The following KRABD5 variants were observed in gnomAD, a reference collection of about 807,000 sequenced individuals.
KRABD5 encodes the protein KRAB domain-containing protein 5.
the KRABD5 span, chr16:31,714,295 G>C: frequency 4.4e-6 from 2 of 452,468 alleles, no homozygotes; most frequent in African/African-American, 2.0e-5. Flanking sequence ...TAAAGTGTAA[G>C]TGCCTTACAG....
chr16:31,747,537 T>C, the KRABD5 span, among the ~76,000 whole-genome samples: 1 of 152,224 alleles, frequency 6.6e-6, no homozygotes, highest in Non-Finnish European at 1.5e-5. Context: ...ATGGTATTTC[T>C]AGTTCTAGAT....
chr16:31,756,227 C>T, the KRABD5 span: 1 of 152,058 alleles, frequency 6.6e-6, no homozygotes, highest in Non-Finnish European at 1.5e-5. Context: ...ATGTAAAATA[C>T]ATGAAGAAAA....
chr16:31,732,292 T>C, the KRABD5 span, among the ~76,000 whole-genome samples: 2 of 152,216 alleles, frequency 1.3e-5, no homozygotes, highest in Non-Finnish European at 2.9e-5. Flanking sequence ...TTGTGAGAAA[T>C]ATGCATGGGG....
At chr16:31,744,387 G>A in the KRABD5 span, among the ~76,000 whole-genome samples, 1 of 152,034 alleles carries the variant, frequency 6.6e-6, no homozygotes, top group Non-Finnish European at 1.5e-5. Context: ...ATAATCATGT[G>A]GTTTTTGTCT....
At chr16:31,714,128 G>A in the KRABD5 span, among the ~76,000 whole-genome samples, 1 of 152,168 alleles carries the variant, frequency 6.6e-6, no homozygotes, top group African/African-American at 2.4e-5. Context: ...ATATTCTACT[G>A]CTATCTGGAT....
At chr16:31,742,760 T>TA in the KRABD5 span, among the ~76,000 whole-genome samples, 1 of 152,226 alleles carries the variant, frequency 6.6e-6, no homozygotes, top group Non-Finnish European at 1.5e-5. Context: ...GTGGCTGAAC[T>TA]AATTTACATT....
chr16:31,740,883 A>G, the KRABD5 span, among the ~76,000 whole-genome samples: 1 of 152,140 alleles, frequency 6.6e-6, no homozygotes. Flanking sequence ...ACATGGGTAT[A>G]TTGCATTACA....
chr16:31,725,694 C>T, the KRABD5 span, among the ~76,000 whole-genome samples: 1 of 152,188 alleles, frequency 6.6e-6, no homozygotes, highest in Non-Finnish European at 1.5e-5. Flanking sequence ...GGTGATGGCT[C>T]ATTGAGGTTT....
chr16:31,754,317 A>G, the KRABD5 span: 1 of 614,976 alleles, frequency 1.6e-6, no homozygotes, highest in South Asian at 2.0e-5. Flanking sequence ...CAATATAGAA[A>G]GGTCTTCATT....
At chr16:31,750,751 A>C in the KRABD5 span, among the ~76,000 whole-genome samples, 1 of 151,588 alleles carries the variant, frequency 6.6e-6, no homozygotes, top group Non-Finnish European at 1.5e-5. Context: ...ATTAAGTTTT[A>C]TCAAAAGCTT....
the KRABD5 span, chr16:31,713,536 C>T: frequency 2.1e-6 from 3 of 1,462,832 alleles, no homozygotes; most frequent in Non-Finnish European, 2.7e-6. Context: ...GCCCTGAGTC[C>T]CCGCGGACGC....
chr16:31,722,796 AGG>A, the KRABD5 span: 1 of 1,518,816 alleles, frequency 6.6e-7, no homozygotes, highest in Non-Finnish European at 8.8e-7. Flanking sequence ...CTAATAACTA[AGG>A]GTTTTATTTC....
At chr16:31,737,448 G>A in the KRABD5 span, among the ~76,000 whole-genome samples, 6 of 150,762 alleles carry the variant, frequency 4.0e-5, no homozygotes, top group East Asian at 1.3e-3. Context: ...GTGAGTTACA[G>A]TAGCTACAAA....
the KRABD5 span, chr16:31,758,668 G>A: frequency 6.6e-6 from 1 of 151,534 alleles, no homozygotes; most frequent in African/African-American, 2.4e-5. Context: ...CAGCTACTTG[G>A]GAGGCTGAAG....
At chr16:31,755,735 A>G in the KRABD5 span, 79 of 365,858 alleles carry the variant, frequency 2.2e-4, 1 homozygote, top group Middle Eastern at 9.7e-3. Context: ...GTAAATGTGA[A>G]AAGAGTTTTA....
chr16:31,758,770 GT>G, the KRABD5 span: 1 of 143,484 alleles, frequency 7.0e-6, no homozygotes, highest in Non-Finnish European at 1.5e-5. Context: ...GCAGAACTCT[GT>G]CTCAAAAAAA....
chr16:31,754,679 C>A, the KRABD5 span: 1 of 458,756 alleles, frequency 2.2e-6, no homozygotes, highest in South Asian at 1.5e-5. Flanking sequence ...ACATACTCAG[C>A]CTCAGAGAAT....
chr16:31,731,178 G>A, the KRABD5 span, among the ~76,000 whole-genome samples: 1 of 152,198 alleles, frequency 6.6e-6, no homozygotes, highest in African/African-American at 2.4e-5. Context: ...ATTATAGACA[G>A]TTTTGGGAAA....
chr16:31,729,210 T>C, the KRABD5 span, among the ~76,000 whole-genome samples: 1 of 152,268 alleles, frequency 6.6e-6, no homozygotes, highest in African/African-American at 2.4e-5. Flanking sequence ...AACCTGTCAC[T>C]GGATTTTTAA....
Sources: gnomAD v4.1 joint callset for allele counts (sites outside exome capture counted in the v4.1 genomes callset) on GRCh38, gnomAD v4.1.1 for gene constraint, MANE v1.5 for transcripts, NCBI Gene and HGNC (gene_info 2026-07-23, HGNC 2026-07-21) for gene names.